CACNA2D4: variants seen among roughly 807,000 people sequenced by gnomAD.
CACNA2D4 encodes calcium voltage-gated channel auxiliary subunit alpha2delta 4.
CACNA2D4 carries 157 observed loss-of-function variants against 163.8 expected under a neutral mutation model. That is an observed-to-expected ratio of 0.96 (90% CI 0.84 to 1.09). CACNA2D4 has a LOEUF of 1.09. Ranked by LOEUF, CACNA2D4 falls within the 50% of genes least tolerant of loss-of-function variation. The probability of loss-of-function intolerance (pLI) is 0.00; values close to 1 mark genes in which losing one functional copy is unlikely to be tolerated. For missense variants in CACNA2D4, 1,410 were observed against 1,479.9 expected, an observed-to-expected ratio of 0.95 and a Z score of 0.78; for synonymous variants, 598 against 586.9, an observed-to-expected ratio of 1.02 and a Z score of -0.27.
chr12:1,911,961 G>C (rs1181163402), intron 3 of CACNA2D4, among the ~76,000 whole-genome samples: 1 of 152,212 alleles, frequency 6.6e-6, no homozygotes, highest in Non-Finnish European at 1.5e-5. Flanking sequence ...GAGTCCCCAG[G>C]CATCTTCTCA....
At chr12:1,805,196 C>T (rs1309776111) in intron 29 of CACNA2D4, among the ~76,000 whole-genome samples, 2 of 152,150 alleles carry the variant, frequency 1.3e-5, no homozygotes, top group Non-Finnish European at 2.9e-5. Flanking sequence ...CCTGCCTGGC[C>T]TTCGAGTCTG....
rs62621429 is a variant in CACNA2D4, at chr12:1,801,620, C to T, written c.2746G>A (p.Asp916Asn). The change falls in exon 30 of 38, where the codon GAT becomes AAT. Residue 916 changes from aspartate to asparagine, a missense_variant. Asp to Asn is a conservative substitution (Grantham distance 23, BLOSUM62 1). Coordinates refer to ENST00000382722, the MANE Select transcript of CACNA2D4 (RefSeq NM_172364.5). ...RETGRFLGEV[D>N]GAVLTQLLSM... ...AGCAGCTGGGTCAGGACAGCACCATCCACCTCCCCCAGAAATCTTCCCGTC... is the reference window on the plus strand; with the variant it reads ...AGCAGCTGGGTCAGGACAGCACCATTCACCTCCCCCAGAAATCTTCCCGTC... 42,097 of 1,587,446 alleles carry T rather than the reference C, an allele frequency of 0.027. 726 individuals carry two copies. Among genetic ancestry groups the T allele is most frequent in the Middle Eastern group, 0.037 (224 of 6,034 alleles).
At chr12:1,885,183 T>G in intron 9 of CACNA2D4, 107 bp from the exon 10 acceptor site, 1 of 866,148 alleles carries the variant, frequency 1.2e-6, no homozygotes, top group Non-Finnish European at 2.0e-6. Flanking sequence ...CAGAAGGACA[T>G]GATTTCAGGG....
chr12:1,828,515 G>A lies in CACNA2D4; in HGVS notation c.2551+12224C>T, dbSNP rs535927462. Among the ~76,000 whole-genome samples the A allele has an allele frequency of 4.0e-4, 61 of 152,342 alleles. 1 individual carries two copies. In the South Asian group the frequency reaches 0.012, roughly 30 times the overall value. On this transcript the variant is annotated intron_variant, in intron 26 of 37. Transcript: ENST00000382722. The surrounding 1 kb of genome is among the most constrained non-coding windows in gnomAD (Gnocchi z 4.2). ...GAGCTTGCTGGGGTCCCCAACAGGA[G>A]AAGAGCTCTGCTGGAATGCAGGCCT...
intron 6 of CACNA2D4, among the ~76,000 whole-genome samples, chr12:1,900,259 AGCACCACAGGT>A (rs1866504736): frequency 6.6e-6 from 1 of 152,160 alleles, no homozygotes; most frequent in African/African-American, 2.4e-5. Flanking sequence ...TCTCCTGAAT[AGCACCACAGGT>A]GCACACCACC....
At chr12:1,856,140 A>AAG (rs772718068) in intron 21 of CACNA2D4, 31 bp from the exon 22 acceptor site, 1 of 1,613,650 alleles carries the variant, frequency 6.2e-7, no homozygotes, top group Non-Finnish European at 8.5e-7. Context: ...TGTTATCTCA[A>AAG]AACATTCCAC....
At chr12:1,902,539 A>G (rs1866562129) in intron 6 of CACNA2D4, among the ~76,000 whole-genome samples, 2 of 152,172 alleles carry the variant, frequency 1.3e-5, no homozygotes, top group Admixed American at 1.3e-4. Context: ...AAGTCAATAT[A>G]TAAAAATCAG....
At chr12:1,816,413 AGAG>A (rs1413074831) in intron 26 of CACNA2D4, among the ~76,000 whole-genome samples, 55 of 152,264 alleles carry the variant, frequency 3.6e-4, no homozygotes, top group African/African-American at 1.2e-3. Flanking sequence ...ATGACCTGAA[AGAG>A]GAGGACAAAT....
At chr12:1,881,816 A>G (rs1401292313) in intron 13 of CACNA2D4, among the ~76,000 whole-genome samples, 1 of 152,268 alleles carries the variant, frequency 6.6e-6, no homozygotes, top group Non-Finnish European at 1.5e-5. Context: ...GCCCCTTTAA[A>G]GTAGATTAAT....
intron 18 of CACNA2D4, among the ~76,000 whole-genome samples, chr12:1,864,613 T>A (rs1865600494): frequency 6.6e-6 from 1 of 152,194 alleles, no homozygotes; most frequent in Admixed American, 6.5e-5. Context: ...AGGTGGGCGA[T>A]GAGAACGAGG....
chr12:1,907,745 G>C, intron 5 of CACNA2D4, 130 bp downstream of exon 5: 2 of 1,266,600 alleles, frequency 1.6e-6, no homozygotes. Context: ...CCTGGTGGGC[G>C]TGTCTGGTGG....
chr12:1,796,348 GCA>G (rs1863126975), intron 35 of CACNA2D4, among the ~76,000 whole-genome samples: 3 of 152,244 alleles, frequency 2.0e-5, no homozygotes, highest in Admixed American at 2.0e-4. Context: ...CACCCAACGT[GCA>G]CACCACAGCC....
At chr12:1,861,166 G>T (rs948079895) in intron 18 of CACNA2D4, among the ~76,000 whole-genome samples, 6 of 152,200 alleles carry the variant, frequency 3.9e-5, no homozygotes, top group Non-Finnish European at 7.3e-5. Context: ...CTGGAGCGAG[G>T]TGTCAGAAGG....
rs1565723162 is a variant in CACNA2D4, at chr12:1,875,261, T to G, written c.1796A>C (p.Gln599Pro). The G allele has an allele frequency of 6.2e-7, 1 of 1,611,930 alleles. No individual in the cohort carries two copies. Among genetic ancestry groups the G allele is most frequent in the Non-Finnish European group, 8.5e-7 (1 of 1,178,414 alleles). The change falls in exon 17 of 38, where the codon CAG (glutamine) becomes CCG (proline). Residue 599 changes from glutamine (Q) to proline (P), a missense_variant. Physicochemically the swap from Gln to Pro is moderately conservative, Grantham distance 76. Transcript: ENST00000382722. The surrounding 1 kb of genome is among the most constrained non-coding windows in gnomAD (Gnocchi z 4.0). ...ATTTTCCCCACTCACAGATTCAGCC[T>G]GGTCTTCCCACTCCACTTCGGAGAG... ...VDLSEVEWEDQAESLRTAMIN... is the reference protein window; with the variant it reads ...VDLSEVEWEDPAESLRTAMIN...
intron 23 of CACNA2D4, among the ~76,000 whole-genome samples, chr12:1,853,483 C>T (rs1167619524): frequency 1.3e-5 from 2 of 152,082 alleles, no homozygotes; most frequent in Non-Finnish European, 2.9e-5. Flanking sequence ...CAACCTTAAC[C>T]TCATTAATAC....
At chr12:1,863,492 A>C (rs899318519) in intron 18 of CACNA2D4, among the ~76,000 whole-genome samples, 4 of 152,250 alleles carry the variant, frequency 2.6e-5, no homozygotes, top group African/African-American at 9.6e-5. Flanking sequence ...ATTGCGTTGA[A>C]TCTATAAATC....
chr12:1,809,695 G>A (rs1863643088), intron 29 of CACNA2D4: 3 of 629,674 alleles, frequency 4.8e-6, no homozygotes, highest in East Asian at 2.7e-5. Context: ...AGCGGGGGCG[G>A]GGGGAGGATT....
intron 29 of CACNA2D4, among the ~76,000 whole-genome samples, chr12:1,807,684 TGTGTGCCAGGCACCACACCAGGCA>T (rs1160143948): frequency 2.6e-5 from 4 of 152,014 alleles, no homozygotes. Context: ...CAGTGTCTGC[TGTGTGCCAGGCACCACACCAGGCA>T]GGGTCTCTGG....
At position 1,798,473 on chromosome 12, in the gene CACNA2D4, G is replaced by A. The variant is rs1431640057; in HGVS notation, c.2996-938C>T. 2.0e-5 allele frequency among the ~76,000 whole-genome samples: 3 copies of A among 152,096 alleles called. No homozygotes were observed. Among genetic ancestry groups the A allele is most frequent in the East Asian group, 1.9e-4 (1 of 5,176 alleles). ...AAACCCAGAGGGGACACTAGCTGGCGTGCAGAAAACTCTCACCGAGAGGAG... is the reference window on the plus strand; with the variant it reads ...AAACCCAGAGGGGACACTAGCTGGCATGCAGAAAACTCTCACCGAGAGGAG... On this transcript the variant is annotated intron_variant, in intron 34 of 37. Transcript: ENST00000382722. The surrounding 1 kb of genome is among the most constrained non-coding windows in gnomAD (Gnocchi z 4.3).
Sources: gnomAD v4.1 joint callset for allele counts (sites outside exome capture counted in the v4.1 genomes callset) on GRCh38, gnomAD v4.1.1 for gene constraint, Gnocchi (gnomAD v3.1) non-coding constraint, MANE v1.5 for transcripts, NCBI Gene and HGNC (gene_info 2026-07-23, HGNC 2026-07-21) for gene names.